TAFA5: variants seen among roughly 807,000 people sequenced by gnomAD.
TAFA5 encodes TAFA chemokine like family member 5.
TAFA5 carries 6 observed loss-of-function variants against 15.3 expected under a neutral mutation model. That is an observed-to-expected ratio of 0.39 (90% CI 0.21 to 0.77). The LOEUF (loss-of-function observed/expected upper bound fraction) is 0.77, where lower values mean the gene tolerates loss of function less well. Among genes scored for constraint, TAFA5 ranks in the 30% least tolerant of loss-of-function variants. The probability of loss-of-function intolerance (pLI) is 0.41; values close to 1 mark genes in which losing one functional copy is unlikely to be tolerated. For synonymous variants in TAFA5, 103 were observed against 80.7 expected (o/e 1.28, Z -1.48); for missense variants, 161 against 193.1 (o/e 0.83, Z 0.98).
intron 1 of TAFA5, among the ~76,000 whole-genome samples, chr22:48,518,975 G>A (rs1003792017): frequency 6.6e-5 from 10 of 152,262 alleles, no homozygotes; most frequent in South Asian, 2.1e-4. Context: ...AAGAGCTGTC[G>A]GACACCCTGG....
chr22:48,720,763 G>GGTTC (rs1929545218), intron 3 of TAFA5, among the ~76,000 whole-genome samples: 1 of 56,990 alleles, frequency 1.8e-5, no homozygotes. Context: ...GCCTCCACAG[G>GGTTC]GTTCCCTGTG....
At chr22:48,629,618 A>G (rs907242054) in intron 1 of TAFA5, among the ~76,000 whole-genome samples, 2 of 152,170 alleles carry the variant, frequency 1.3e-5, no homozygotes, top group Admixed American at 6.5e-5. Context: ...CATGGTCTCC[A>G]CTAGAGATGG....
intron 1 of TAFA5, among the ~76,000 whole-genome samples, chr22:48,587,225 C>T (rs955557854): frequency 5.3e-5 from 8 of 152,150 alleles, no homozygotes; most frequent in South Asian, 2.1e-4. Flanking sequence ...CCATGCATTC[C>T]GGGGCTCTGG....
At chr22:48,513,723 T>C (rs906511800) in intron 1 of TAFA5, among the ~76,000 whole-genome samples, 3 of 152,212 alleles carry the variant, frequency 2.0e-5, no homozygotes, top group South Asian at 2.1e-4. Flanking sequence ...TGCCGTGCCT[T>C]GCTCTGCTCC....
chr22:48,599,826 G>A (rs1283600313), intron 1 of TAFA5, among the ~76,000 whole-genome samples: 1 of 152,236 alleles, frequency 6.6e-6, no homozygotes. Flanking sequence ...GGGTTGAGCA[G>A]CATCCTGGGC....
At chr22:48,569,733 G>A (rs375750710) in intron 1 of TAFA5, among the ~76,000 whole-genome samples, 2 of 152,210 alleles carry the variant, frequency 1.3e-5, no homozygotes, top group East Asian at 1.9e-4. Context: ...CGTGCATCCC[G>A]GGGGGTGGCC....
At chr22:48,551,260 C>G (rs569052749) in intron 1 of TAFA5, among the ~76,000 whole-genome samples, 3 of 152,062 alleles carry the variant, frequency 2.0e-5, no homozygotes, top group African/African-American at 7.2e-5. Flanking sequence ...AGGCAGGGAG[C>G]CCCCCAGGTC....
At chr22:48,580,999 G>A (rs889097143) in intron 1 of TAFA5, among the ~76,000 whole-genome samples, 1 of 152,342 alleles carries the variant, frequency 6.6e-6, no homozygotes, top group Non-Finnish European at 1.5e-5. Flanking sequence ...TCCAGCAGAC[G>A]CTGTTTGCAA....
intron 2 of TAFA5, among the ~76,000 whole-genome samples, chr22:48,699,543 A>G (rs1928838228): frequency 6.6e-6 from 1 of 152,108 alleles, no homozygotes; most frequent in African/African-American, 2.4e-5. Flanking sequence ...CCGTTCAGTG[A>G]GCTCTGCTCT....
intron 1 of TAFA5, among the ~76,000 whole-genome samples, chr22:48,609,560 G>T (rs1191193051): frequency 2.6e-5 from 4 of 152,178 alleles, no homozygotes; most frequent in Non-Finnish European, 5.9e-5. Flanking sequence ...TTCTGCTCAC[G>T]CACAGCTCCT....
In TAFA5 at chr22:48,638,976, G is replaced by A. The variant is rs112893676; in HGVS notation, c.113-7621G>A. Among the ~76,000 whole-genome samples the A allele has an allele frequency of 1.0e-4, 14 of 139,504 alleles. No individual in the cohort carries two copies. In the East Asian group the frequency reaches 3.0e-3, roughly 30 times the overall value. The allele number at this position is 139,504 out of a possible 152,430, so 91.5% of individuals were successfully genotyped here. ...TAAGCCCTGGGACACCACACACAGG[G>A]GGGACCCCGACACTAAGCCCTGGGA... On this transcript the variant is annotated intron_variant, in intron 1 of 3. Coordinates refer to ENST00000402357, the MANE Select transcript of TAFA5 (RefSeq NM_001082967.3).
intron 2 of TAFA5, among the ~76,000 whole-genome samples, chr22:48,654,636 C>G (rs8135393): frequency 6.6e-6 from 1 of 151,988 alleles, no homozygotes; most frequent in Non-Finnish European, 1.5e-5. Flanking sequence ...CTTTCCCATC[C>G]GAATCACTCC....
intron 1 of TAFA5, among the ~76,000 whole-genome samples, chr22:48,584,214 A>G (rs1924232893): frequency 6.7e-6 from 1 of 149,646 alleles, no homozygotes; most frequent in Non-Finnish European, 1.5e-5. Context: ...CACACAAAAT[A>G]CACCACATAC....
intron 1 of TAFA5, among the ~76,000 whole-genome samples, chr22:48,625,528 G>A (rs1409333494): frequency 4.6e-5 from 7 of 152,196 alleles, no homozygotes; most frequent in African/African-American, 1.7e-4. Flanking sequence ...CTCATGCACA[G>A]TGCTTACGAT....
chr22:48,631,364 G>A (rs760617475), intron 1 of TAFA5, among the ~76,000 whole-genome samples: 16 of 152,218 alleles, frequency 1.1e-4, no homozygotes, highest in African/African-American at 3.4e-4. Context: ...ACGCCTGCCC[G>A]GCCTTTCCAG....
At chr22:48,682,461 G>T (rs1928222924) in intron 2 of TAFA5, among the ~76,000 whole-genome samples, 1 of 152,210 alleles carries the variant, frequency 6.6e-6, no homozygotes, top group African/African-American at 2.4e-5. Context: ...GTGAGCTTCT[G>T]TCCCCTGGTG....
At chr22:48,746,077 C>A (rs1224918716) in intron 3 of TAFA5, among the ~76,000 whole-genome samples, 2 of 152,126 alleles carry the variant, frequency 1.3e-5, no homozygotes, top group Non-Finnish European at 2.9e-5. Flanking sequence ...GCACATTCAG[C>A]GTCCATTCAA....
chr22:48,642,769 G>A (rs1926729172), intron 1 of TAFA5, among the ~76,000 whole-genome samples: 1 of 152,132 alleles, frequency 6.6e-6, no homozygotes, highest in Admixed American at 6.5e-5. Flanking sequence ...TCAGTGTGTG[G>A]TATGTACATT....
intron 1 of TAFA5, among the ~76,000 whole-genome samples, chr22:48,545,878 A>G (rs1415132779): frequency 6.6e-6 from 1 of 152,130 alleles, no homozygotes; most frequent in East Asian, 1.9e-4. Flanking sequence ...TAATACATGA[A>G]TGAGTGGGTG....
Sources: gnomAD v4.1 joint callset for allele counts (sites outside exome capture counted in the v4.1 genomes callset) on GRCh38, gnomAD v4.1.1 for gene constraint, MANE v1.5 for transcripts, NCBI Gene and HGNC (gene_info 2026-07-23, HGNC 2026-07-21) for gene names.